The following BCAR3 variants were observed in gnomAD, a reference collection of about 807,000 sequenced individuals.
BCAR3 encodes the protein breast cancer anti-estrogen resistance protein 3.
A neutral mutation model predicts 80.1 loss-of-function variants in BCAR3; 37 were observed. The observed-to-expected ratio is 0.46, with a 90% CI of 0.36 to 0.61. The LOEUF is 0.61. Ranked by LOEUF, BCAR3 falls within the 20% of genes least tolerant of loss-of-function variation. The probability of loss-of-function intolerance (pLI) is 0.00; values close to 1 mark genes in which losing one functional copy is unlikely to be tolerated. For synonymous variants in BCAR3, 389 were observed against 418.9 expected, an observed-to-expected ratio of 0.93 and a Z score of 0.87; for missense variants, 978 against 1,068.2, an observed-to-expected ratio of 0.92 and a Z score of 1.18.
chr1:93,652,793 A>G (rs763100683), intron 2 of BCAR3, among the ~76,000 whole-genome samples: 1 of 152,234 alleles, frequency 6.6e-6, no homozygotes, highest in Non-Finnish European at 1.5e-5. Flanking sequence ...CCAACAGGGA[A>G]GCCAGCAGGG....
At chr1:93,700,549 T>A (rs968759242) in intron 3 of BCAR3, among the ~76,000 whole-genome samples, 1 of 152,146 alleles carries the variant, frequency 6.6e-6, no homozygotes, top group African/African-American at 2.4e-5. Flanking sequence ...GATGGGCTCA[T>A]AGAATGCTAA....
chr1:93,627,174 T>C (rs900033289), intron 3 of BCAR3, among the ~76,000 whole-genome samples: 3 of 152,246 alleles, frequency 2.0e-5, no homozygotes, highest in Non-Finnish European at 4.4e-5. Context: ...GTTCTGATAT[T>C]ACATAGTGAA....
chr1:93,838,047 C>T (rs1001248630), intron 2 of BCAR3, among the ~76,000 whole-genome samples: 2 of 152,210 alleles, frequency 1.3e-5, no homozygotes, highest in Non-Finnish European at 2.9e-5. Context: ...AAACGCTTGG[C>T]CAGCAAGTAA....
intron 2 of BCAR3, among the ~76,000 whole-genome samples, chr1:93,822,968 C>T (rs12062925): frequency 0.12 from 15,569 of 132,314 alleles, 3,372 homozygotes; most frequent in African/African-American, 0.26. Flanking sequence ...AGGCATCACT[C>T]AAGTCCAGCC....
At chr1:93,665,817 A>G (rs1290477709) in intron 2 of BCAR3, among the ~76,000 whole-genome samples, 3 of 152,130 alleles carry the variant, frequency 2.0e-5, no homozygotes, top group African/African-American at 7.2e-5. Context: ...GCAATCAACC[A>G]AACAAATAAA....
intron 9 of BCAR3, among the ~76,000 whole-genome samples, chr1:93,568,431 A>G (rs1160014740): frequency 6.6e-6 from 1 of 152,208 alleles, no homozygotes; most frequent in East Asian, 1.9e-4. Context: ...AATTCAAGGC[A>G]GTATTGGATG....
intron 2 of BCAR3, among the ~76,000 whole-genome samples, chr1:93,770,946 A>G (rs1186020622): frequency 6.6e-6 from 1 of 152,210 alleles, no homozygotes; most frequent in African/African-American, 2.4e-5. Context: ...GGAAGCTCTG[A>G]GGAACTTCTG....
At chr1:93,750,539 C>G (rs1651522796) in intron 2 of BCAR3, among the ~76,000 whole-genome samples, 1 of 152,204 alleles carries the variant, frequency 6.6e-6, no homozygotes, top group South Asian at 2.1e-4. Flanking sequence ...AGACAGCTGA[C>G]CTTAGAGACT....
At chr1:93,711,315 T>C (rs1016736584) in intron 2 of BCAR3, among the ~76,000 whole-genome samples, 1 of 152,192 alleles carries the variant, frequency 6.6e-6, no homozygotes, top group Non-Finnish European at 1.5e-5. Flanking sequence ...TTGTATGGTA[T>C]GGGTCCAAAT....
chr1:93,607,603 C>T (rs61658240), intron 3 of BCAR3, among the ~76,000 whole-genome samples: 8,371 of 151,758 alleles, frequency 0.055, 767 homozygotes, highest in African/African-American at 0.19. Flanking sequence ...TGGGTCCCCA[C>T]TGCCCTTAAA....
At chr1:93,655,004 A>T (rs1395651613) in intron 2 of BCAR3, among the ~76,000 whole-genome samples, 4 of 152,190 alleles carry the variant, frequency 2.6e-5, no homozygotes, top group African/African-American at 9.7e-5. Context: ...TCACCTTGGT[A>T]CCCTCAGTGC....
At position 93,838,117 on chromosome 1, in the gene BCAR3, C is replaced by A. The variant is rs142593119; in HGVS notation, c.-63+7450G>T. Among the ~76,000 whole-genome samples the A allele has an allele frequency of 3.1e-3, 468 of 152,284 alleles. 1 individual carries two copies. The highest frequency in any genetic ancestry group is 0.011 in the African/African-American group (456 of 41,556). ...TTTCTTTCTCTCTTTATGCTCCTGG[C>A]CTTAGTCTGTTTTGTATTGCTATAA... is the stretch of plus-strand genomic sequence containing the variant. On this transcript the variant is annotated intron_variant, in intron 2 of 13. Transcript: ENST00000370244.
chr1:93,830,924 C>T (rs569277730), intron 2 of BCAR3, among the ~76,000 whole-genome samples: 2 of 152,326 alleles, frequency 1.3e-5, no homozygotes, highest in Admixed American at 1.3e-4. Flanking sequence ...TCCAGCCTCT[C>T]TTGCTACCCT....
intron 8 of BCAR3, among the ~76,000 whole-genome samples, chr1:93,572,707 G>A (rs566448769): frequency 2.5e-4 from 38 of 152,322 alleles, no homozygotes; most frequent in African/African-American, 8.7e-4. Context: ...TTTCTTCCAG[G>A]CTGTGGTACA....
intron 2 of BCAR3, chr1:93,648,839 G>A (rs947965985): frequency 3.9e-5 from 6 of 152,688 alleles, no homozygotes; most frequent in Admixed American, 2.6e-4. Flanking sequence ...CCCTCCCTGA[G>A]GTACCTTCCC....
chr1:93,573,795 A>G (rs555693841), intron 8 of BCAR3, among the ~76,000 whole-genome samples: 3 of 141,454 alleles, frequency 2.1e-5, no homozygotes, highest in Admixed American at 1.4e-4. Flanking sequence ...TGCCCAGCTA[A>G]TTTTCGTGTT....
At chr1:93,589,713 T>A (rs898607771) in intron 4 of BCAR3, among the ~76,000 whole-genome samples, 15 of 152,192 alleles carry the variant, frequency 9.9e-5, no homozygotes, top group African/African-American at 3.6e-4. Context: ...GGGGAGCTTC[T>A]GTTTTAGTGA....
intron 2 of BCAR3, among the ~76,000 whole-genome samples, chr1:93,797,721 A>T (rs1335498872): frequency 6.6e-6 from 1 of 152,078 alleles, no homozygotes; most frequent in Non-Finnish European, 1.5e-5. Context: ...CAATAAAAAT[A>T]TTGGAAAATA....
chr1:93,605,339 A>G (rs74364790), intron 3 of BCAR3: 1 of 152,246 alleles, frequency 6.6e-6, no homozygotes, highest in Non-Finnish European at 1.5e-5. Flanking sequence ...AACCCTGTCT[A>G]AACTACTTTG....
Sources: gnomAD v4.1 joint callset for allele counts (sites outside exome capture counted in the v4.1 genomes callset) on GRCh38, gnomAD v4.1.1 for gene constraint, MANE v1.5 for transcripts, NCBI Gene and HGNC (gene_info 2026-07-23, HGNC 2026-07-21) for gene names.